The following TRAPPC9 variants were observed in gnomAD, a reference collection of about 807,000 sequenced individuals.
TRAPPC9 encodes IKK2 binding protein.
In TRAPPC9, 83 loss-of-function variants were observed where a neutral mutation model predicts 124.0. The observed-to-expected ratio is 0.67, with a 90% CI of 0.56 to 0.80. The LOEUF (loss-of-function observed/expected upper bound fraction) is 0.80. TRAPPC9 is among the 30% of genes least tolerant of loss of function. The pLI is 0.00. For missense variants in TRAPPC9, 1,302 were observed against 1,508.3 expected (o/e 0.86, Z 2.27); for synonymous variants, 638 against 617.5 (o/e 1.03, Z -0.49).
intron 18 of TRAPPC9, among the ~76,000 whole-genome samples, chr8:140,012,224 G>C (rs1012092033): frequency 6.6e-6 from 1 of 152,186 alleles, no homozygotes; most frequent in Non-Finnish European, 1.5e-5. Flanking sequence ...AGGCAATGCG[G>C]GGCTCAGAGT....
At chr8:140,366,332 T>A (rs1563977046) in intron 8 of TRAPPC9, among the ~76,000 whole-genome samples, 2 of 152,310 alleles carry the variant, frequency 1.3e-5, no homozygotes, top group East Asian at 3.9e-4. Context: ...CGAGGCTTAC[T>A]ATAAAACTAT....
intron 7 of TRAPPC9, among the ~76,000 whole-genome samples, chr8:140,384,043 A>C (rs996305609): frequency 2.6e-5 from 4 of 152,210 alleles, no homozygotes; most frequent in Non-Finnish European, 5.9e-5. Flanking sequence ...TCAACCCAGA[A>C]TTTCATATCC....
At chr8:140,324,745 G>A (rs2066693466) in intron 9 of TRAPPC9, among the ~76,000 whole-genome samples, 1 of 152,168 alleles carries the variant, frequency 6.6e-6, no homozygotes. Flanking sequence ...ACTCCAGCCT[G>A]AGCAACAGAG....
chr8:140,429,595 C>A lies in TRAPPC9; in HGVS notation c.860-2954G>T, dbSNP rs528729186. Among the ~76,000 whole-genome samples the A allele has an allele frequency of 2.0e-5, 3 of 150,922 alleles. No individual in the cohort carries two copies. In the East Asian group the frequency reaches 5.9e-4, roughly 30 times the overall value. ...CCGAGGTGGGTGGATCACTTGAGGT[C>A]AGGAGTTTGCGACCAGCCTGGCCAA... On this transcript the variant is annotated intron_variant, in intron 4 of 22. Transcript: ENST00000438773.
intron 20 of TRAPPC9, among the ~76,000 whole-genome samples, chr8:139,906,213 C>T (rs1191421008): frequency 6.6e-6 from 1 of 152,272 alleles, no homozygotes; most frequent in East Asian, 1.9e-4. Context: ...GGATGGCTGA[C>T]CGCCCTGGGC....
chr8:139,908,070 T>TA (rs2131263516), intron 20 of TRAPPC9, among the ~76,000 whole-genome samples: 1 of 152,230 alleles, frequency 6.6e-6, no homozygotes, highest in African/African-American at 2.4e-5. Flanking sequence ...GCTCTGACAC[T>TA]AGCAGGGTGC....
intron 17 of TRAPPC9, among the ~76,000 whole-genome samples, chr8:140,083,018 C>T (rs1258722826): frequency 6.6e-6 from 1 of 152,156 alleles, no homozygotes; most frequent in Non-Finnish European, 1.5e-5. Context: ...CATGGTAAAA[C>T]CCCCTCTCTA....
In TRAPPC9 at chr8:139,892,706, T is replaced by C. The variant is rs370858487; in HGVS notation, c.2965-6737A>G. 3.3e-5 allele frequency among the ~76,000 whole-genome samples: 5 copies of C among 152,248 alleles called. No individual in the cohort carries two copies. In the East Asian group the frequency reaches 7.7e-4, roughly 24 times the overall value. On this transcript the variant is annotated intron_variant, in intron 20 of 22. Transcript: ENST00000438773. The stretch of plus-strand genomic sequence containing the variant: ...TGACCCACACCTGCTCCAAAACCAC[T>C]CTGGCTTTCCTCCGCTATAGAAGCA...
intron 17 of TRAPPC9, among the ~76,000 whole-genome samples, chr8:140,073,009 AATC>A (rs1177242826): frequency 6.6e-6 from 1 of 152,212 alleles, no homozygotes; most frequent in Non-Finnish European, 1.5e-5. Context: ...ATGAAAAGAT[AATC>A]ACCAGAATGA....
At chr8:139,759,625 G>A (rs1820088726) in intron 21 of TRAPPC9, among the ~76,000 whole-genome samples, 1 of 152,174 alleles carries the variant, frequency 6.6e-6, no homozygotes, top group Non-Finnish European at 1.5e-5. Context: ...TGAGACAGAT[G>A]AGCGCTGTTC....
rs1476081047 is a variant in TRAPPC9, at chr8:140,103,240, A to G, written c.2557-79161T>C. Among the ~76,000 whole-genome samples, 3 of 152,162 alleles carry G rather than the reference A, an allele frequency of 2.0e-5. No individual in the cohort carries two copies. In the East Asian group the frequency reaches 5.8e-4, roughly 29 times the overall value. On this transcript the variant is annotated intron_variant, in intron 17 of 22. Transcript: ENST00000438773. ...AATTGTTTACGAGCTTCCCTTTTTC[A>G]GAAGCATTTTTAGTGCAGCATTATC...
At chr8:139,756,381 A>G in intron 21 of TRAPPC9, among the ~76,000 whole-genome samples, 1 of 138,058 alleles carries the variant, frequency 7.2e-6, no homozygotes, top group South Asian at 2.4e-4. Flanking sequence ...AGGTCGCAGG[A>G]GGAGCCAGGG....
intron 21 of TRAPPC9, among the ~76,000 whole-genome samples, chr8:139,801,437 C>T (rs1170608421): frequency 6.6e-6 from 1 of 152,194 alleles, no homozygotes; most frequent in Non-Finnish European, 1.5e-5. Context: ...GAATCTGGGG[C>T]CCAGGGAGCC....
chr8:140,446,916 C>T (rs1448843559), intron 2 of TRAPPC9, among the ~76,000 whole-genome samples: 1 of 152,090 alleles, frequency 6.6e-6, no homozygotes, highest in Non-Finnish European at 1.5e-5. Flanking sequence ...ATGCTCCAGG[C>T]AGAAGCAAAA....
In TRAPPC9 at chr8:140,097,827, C is replaced by A. The variant is rs572905314; in HGVS notation, c.2557-73748G>T. The A allele has an allele frequency of 6.6e-6, 1 of 152,344 alleles. No homozygotes were observed. The highest frequency in any genetic ancestry group is 2.1e-4 in the South Asian group (1 of 4,816). The allele number at this position is 152,344 out of a possible 1,614,324, so 9.4% of individuals were successfully genotyped here. A position where few individuals can be genotyped will look rare whatever the true frequency, so the allele number is the denominator to read the frequency against. ...GCTGCTCCCAGGGTCATGACGCCTA[C>A]CCAGGTCCTTAGTGCGTGGCTACAG... is the stretch of plus-strand genomic sequence containing the variant. On this transcript the variant is annotated intron_variant, in intron 17 of 22. Transcript: ENST00000438773. The surrounding 1 kb of genome is among the most constrained non-coding windows in gnomAD (Gnocchi z 4.2).
chr8:140,277,900 C>G (rs1171717922), intron 14 of TRAPPC9, among the ~76,000 whole-genome samples: 2 of 152,218 alleles, frequency 1.3e-5, no homozygotes, highest in African/African-American at 4.8e-5. Flanking sequence ...CGATGAGACT[C>G]TCTTGTTTAA....
At chr8:139,865,152 C>G (rs1462813054) in intron 21 of TRAPPC9, among the ~76,000 whole-genome samples, 1 of 152,144 alleles carries the variant, frequency 6.6e-6, no homozygotes, top group Non-Finnish European at 1.5e-5. Context: ...AAGGCTGTCC[C>G]CATGGGGTCT....
In TRAPPC9 at chr8:140,097,017, T is replaced by C. The variant is rs940435658; in HGVS notation, c.2557-72938A>G. 1 of 152,332 alleles carries C rather than the reference T, an allele frequency of 6.6e-6. No individual in the cohort carries two copies. The highest frequency in any genetic ancestry group is 1.5e-5 in the Non-Finnish European group (1 of 68,120). The allele number at this position is 152,332 out of a possible 1,614,324, so 9.4% of individuals were successfully genotyped here. A position where few individuals can be genotyped will look rare whatever the true frequency, so the allele number is the denominator to read the frequency against. On this transcript the variant is annotated intron_variant, in intron 17 of 22. Transcript: ENST00000438773. This position sits in a 1 kb window ranked among gnomAD's most constrained non-coding sequence, Gnocchi z 4.2. ...AGATGTGAAAACCTGTCCAGGTCGC[T>C]GGTGTATAGCCAGAACAATGGCACG...
chr8:140,325,894 AG>A (rs2066722334), intron 9 of TRAPPC9, among the ~76,000 whole-genome samples: 1 of 152,172 alleles, frequency 6.6e-6, no homozygotes, highest in African/African-American at 2.4e-5. Flanking sequence ...CCACTGAGGA[AG>A]AGAGACCCCC....
Sources: allele counts gnomAD v4.1 joint callset (sites outside exome capture counted in the v4.1 genomes callset), GRCh38; gene constraint gnomAD v4.1.1; non-coding constraint Gnocchi (gnomAD v3.1); transcripts MANE v1.5; gene names NCBI Gene and HGNC (gene_info 2026-07-23, HGNC 2026-07-21).